The following NRG1 variants were observed in gnomAD, a reference collection of about 807,000 sequenced individuals.
The protein encoded by NRG1 is neuregulin 1, also known as pro-neuregulin-1, membrane-bound isoform.
Under a neutral mutation model 63.8 loss-of-function variants are expected in NRG1, and 18 were observed. The ratio of observed to expected loss-of-function variants is 0.28; its 90% CI spans 0.19 to 0.42. The LOEUF (loss-of-function observed/expected upper bound fraction) is 0.42, where lower values mean the gene tolerates loss of function less well. Among genes scored for constraint, NRG1 ranks in the 10% least tolerant of loss-of-function variants. The probability of loss-of-function intolerance (pLI) is 1.00; values close to 1 mark genes in which losing one functional copy is unlikely to be tolerated. For missense variants in NRG1, 762 were observed against 814.7 expected, an observed-to-expected ratio of 0.94 and a Z score of 0.79; for synonymous variants, 302 against 301.3, an observed-to-expected ratio of 1.00 and a Z score of -0.02.
chr8:31,907,021 C>A (rs1464875499), intron 1 of NRG1, among the ~76,000 whole-genome samples: 2 of 151,960 alleles, frequency 1.3e-5, no homozygotes, highest in African/African-American at 4.8e-5. Flanking sequence ...TTTACTGATC[C>A]CAACAGAGAA....
chr8:32,363,769 C>T (rs185548887), intron 1 of NRG1, among the ~76,000 whole-genome samples: 1 of 151,916 alleles, frequency 6.6e-6, no homozygotes, highest in East Asian at 1.9e-4. Flanking sequence ...TAGTCGAAAA[C>T]TTTAGAATGC....
In NRG1 at chr8:32,129,629, G is replaced by A. The variant is rs144304921; in HGVS notation, c.38-466199G>A. On this transcript the variant is annotated intron_variant, in intron 1 of 10. Coordinates refer to the NRG1 transcript ENST00000519301. Reference sequence around the variant, plus strand: ...TTAGGACTTTAACATATCTTTTGGAGGAGGATACAGGTCAATAACAGATTG... The same window carrying A: ...TTAGGACTTTAACATATCTTTTGGAAGAGGATACAGGTCAATAACAGATTG... 6.3e-4 allele frequency among the ~76,000 whole-genome samples: 96 copies of A among 151,902 alleles called. 2 individuals carry two copies. The highest frequency in any genetic ancestry group is 3.5e-3 in the East Asian group (18 of 5,144).
chr8:32,100,933 C>T (rs1467845984), intron 1 of NRG1, among the ~76,000 whole-genome samples: 2 of 152,102 alleles, frequency 1.3e-5, no homozygotes, highest in Non-Finnish European at 2.9e-5. Context: ...TCTGTAATTG[C>T]ATCAAATGAT....
intron 1 of NRG1, among the ~76,000 whole-genome samples, chr8:31,653,113 C>T (rs370454625): frequency 3.4e-5 from 5 of 148,206 alleles, no homozygotes; most frequent in South Asian, 2.2e-4. Flanking sequence ...TGTAGCTAAA[C>T]GTTAACAGTG....
intron 1 of NRG1, among the ~76,000 whole-genome samples, chr8:31,855,233 A>G (rs1182859716): frequency 6.6e-6 from 1 of 152,060 alleles, no homozygotes; most frequent in Non-Finnish European, 1.5e-5. Context: ...CCCATTAACA[A>G]TGTGTGGGAG....
chr8:32,352,119 G>T (rs368472371), intron 1 of NRG1, among the ~76,000 whole-genome samples: 5 of 150,370 alleles, frequency 3.3e-5, no homozygotes, highest in South Asian at 2.1e-4. Context: ...AAGCCTTAAA[G>T]ATCCGAAGTT....
intron 1 of NRG1, among the ~76,000 whole-genome samples, chr8:32,284,489 G>GCGTGCCTGCCTGCCTGCCTTCCTT (rs1554497406): frequency 7.5e-6 from 1 of 132,522 alleles, no homozygotes; most frequent in African/African-American, 2.9e-5. Flanking sequence ...CTGCCTGCCT[G>GCGTGCCTGCCTGCCTGCCTTCCTT]CCTTCCTTCC....
At chr8:32,350,285 C>T (rs1196976600) in intron 1 of NRG1, among the ~76,000 whole-genome samples, 1 of 152,168 alleles carries the variant, frequency 6.6e-6, no homozygotes, top group Admixed American at 6.6e-5. Flanking sequence ...AAACATTCCC[C>T]CTCTCTCTTC....
intron 1 of NRG1, among the ~76,000 whole-genome samples, chr8:32,234,644 T>C (rs1847342161): frequency 6.6e-6 from 1 of 152,152 alleles, no homozygotes; most frequent in South Asian, 2.1e-4. Context: ...AATAAAAATA[T>C]TAAATGTGGC....
exon 12 of NRG1, chr8:32,764,329 G>A (rs772708330): frequency 2.1e-5 from 34 of 1,613,552 alleles, no homozygotes; most frequent in Middle Eastern, 1.6e-4. Flanking sequence ...CCAGCAGGCC[G>A]CTTCTCGACA....
At chr8:31,664,942 A>G (rs1806372240) in intron 1 of NRG1, among the ~76,000 whole-genome samples, 1 of 152,224 alleles carries the variant, frequency 6.6e-6, no homozygotes, top group African/African-American at 2.4e-5. Context: ...CCATAGGATT[A>G]TTTTTGGCAA....
intron 1 of NRG1, among the ~76,000 whole-genome samples, chr8:32,579,469 A>G (rs777124573): frequency 1.3e-5 from 2 of 152,090 alleles, no homozygotes; most frequent in Middle Eastern, 3.2e-3. Context: ...CTGGGATTGA[A>G]CTTCATTTCC....
chr8:32,740,385 A>G (rs1395678314), intron 6 of NRG1, among the ~76,000 whole-genome samples: 1 of 151,858 alleles, frequency 6.6e-6, no homozygotes, highest in African/African-American at 2.4e-5. Flanking sequence ...TAGTAGAGAC[A>G]GGGTTTCGCC....
chr8:32,760,435 AG>A (rs771311632), intron 11 of NRG1, 29 bp downstream of exon 11: 5 of 1,611,772 alleles, frequency 3.1e-6, no homozygotes, highest in Non-Finnish European at 4.2e-6. Context: ...GCTACTGCAG[AG>A]GAGAAACTCA....
chr8:31,791,023 A>G (rs1820646480), intron 1 of NRG1, among the ~76,000 whole-genome samples: 1 of 152,098 alleles, frequency 6.6e-6, no homozygotes, highest in Non-Finnish European at 1.5e-5. Context: ...CAGCCTGGCC[A>G]ACATGGTGAA....
At chr8:32,744,955 G>A (rs1430679177) in intron 7 of NRG1, among the ~76,000 whole-genome samples, 1 of 152,120 alleles carries the variant, frequency 6.6e-6, no homozygotes, top group East Asian at 1.9e-4. Context: ...ATCCAGGAAA[G>A]CAGCATTCAT....
intron 1 of NRG1, among the ~76,000 whole-genome samples, chr8:32,189,205 G>A (rs1046419771): frequency 1.3e-5 from 2 of 152,132 alleles, no homozygotes; most frequent in African/African-American, 2.4e-5. Flanking sequence ...CTAGTACCCA[G>A]TAGGTAGTTT....
At chr8:32,424,035 AC>A (rs1275606246) in intron 1 of NRG1, among the ~76,000 whole-genome samples, 3 of 152,200 alleles carry the variant, frequency 2.0e-5, no homozygotes, top group Non-Finnish European at 4.4e-5. Context: ...TTTCTAGATA[AC>A]CATCCAGAAG....
At chr8:32,167,079 A>T (rs1839481369) in intron 1 of NRG1, among the ~76,000 whole-genome samples, 1 of 152,210 alleles carries the variant, frequency 6.6e-6, no homozygotes, top group Non-Finnish European at 1.5e-5. Context: ...AATGAGTTTG[A>T]ACTTGGCATG....
Sources: gnomAD v4.1 joint callset for allele counts (sites outside exome capture counted in the v4.1 genomes callset) on GRCh38, gnomAD v4.1.1 for gene constraint, MANE v1.5 for transcripts, NCBI Gene and HGNC (gene_info 2026-07-23, HGNC 2026-07-21) for gene names.